The following KANSL1L variants were observed in gnomAD, a reference collection of about 807,000 sequenced individuals.
The protein encoded by KANSL1L is KAT8 regulatory NSL complex subunit 1 like, also known as KAT8 regulatory NSL complex subunit 1-like protein.
KANSL1L carries 25 observed loss-of-function variants against 108.6 expected under a neutral mutation model. The observed-to-expected ratio is 0.23, with a 90% confidence interval of 0.17 to 0.32. The LOEUF (loss-of-function observed/expected upper bound fraction) is 0.32. Ranked by LOEUF, KANSL1L falls within the 10% of genes least tolerant of loss-of-function variation. The pLI is 1.00. For synonymous variants in KANSL1L, 405 were observed against 395.1 expected, an observed-to-expected ratio of 1.03 and a Z score of -0.30; for missense variants, 1,137 against 1,125.7, an observed-to-expected ratio of 1.01 and a Z score of -0.14.
rs2094207450 is a variant in KANSL1L at position 210,044,893 on chromosome 2, CTGAG to C, written c.1756-793_1756-790del. Reference sequence around the variant, plus strand: ...CAAGCGATTCTCCTGCCTCAGCCTCCTGAGTAACTGGGATTACAGGCACGTGCCA... The same window carrying C: ...CAAGCGATTCTCCTGCCTCAGCCTCCTAACTGGGATTACAGGCACGTGCCA... On this transcript the variant is annotated intron_variant, in intron 6 of 14. Coordinates refer to ENST00000281772, the MANE Select transcript of KANSL1L (RefSeq NM_152519.4). This position sits in a 1 kb window ranked among gnomAD's most constrained non-coding sequence, Gnocchi z 4.2. Among the ~76,000 whole-genome samples the C allele has an allele frequency of 6.6e-6, 1 of 152,166 alleles. No homozygotes were observed. The highest frequency in any genetic ancestry group is 2.4e-5 in the African/African-American group (1 of 41,428).
intron 5 of KANSL1L, among the ~76,000 whole-genome samples, chr2:210,090,936 G>A (rs558733320): frequency 3.0e-4 from 46 of 152,094 alleles, no homozygotes; most frequent in African/African-American, 5.5e-4. Context: ...TAATTTACAC[G>A]TTTCAGCTCA....
rs1171022411 is a variant in KANSL1L at position 210,141,162 on chromosome 2, CTGT to C, written c.1089-11993_1089-11991del. Among the ~76,000 whole-genome samples, 606 of 142,662 alleles carry C rather than the reference CTGT, an allele frequency of 4.2e-3. 3 individuals carry two copies. The highest frequency in any genetic ancestry group is 0.017 in the African/African-American group (581 of 34,616). The allele number at this position is 142,662 out of a possible 152,430, so 93.6% of individuals were successfully genotyped here. On this transcript the variant is annotated intron_variant, in intron 2 of 14. Transcript: ENST00000281772. ...CCTCCCTTCCCTTCCCCACTCCTCT[CTGT>C]TTTCTTTCTTTTCTTTCTCTCCCTT...
chr2:210,070,563 G>A (rs1002093142), intron 6 of KANSL1L, among the ~76,000 whole-genome samples: 2 of 151,992 alleles, frequency 1.3e-5, no homozygotes, highest in African/African-American at 4.8e-5. Context: ...CCAATCACTG[G>A]ATTTAGGACC....
intron 1 of KANSL1L, among the ~76,000 whole-genome samples, chr2:210,168,930 ATTTC>A (rs1688158432): frequency 1.3e-5 from 2 of 152,148 alleles, no homozygotes; most frequent in South Asian, 4.1e-4. Flanking sequence ...CATGAAATAT[ATTTC>A]TTTCTCTCAA....
At chr2:210,125,372 G>A (rs1021647609) in intron 3 of KANSL1L, among the ~76,000 whole-genome samples, 1 of 152,134 alleles carries the variant, frequency 6.6e-6, no homozygotes. Context: ...CTTCAATGCT[G>A]AATTCTACTA....
intron 6 of KANSL1L, among the ~76,000 whole-genome samples, chr2:210,065,999 T>C (rs1030139614): frequency 6.6e-6 from 1 of 152,146 alleles, no homozygotes; most frequent in African/African-American, 2.4e-5. Flanking sequence ...TTTTTACATA[T>C]GAAAGAGGGA....
At chr2:210,033,886 T>C (rs2094062481) in intron 8 of KANSL1L, among the ~76,000 whole-genome samples, 1 of 152,110 alleles carries the variant, frequency 6.6e-6, no homozygotes, top group African/African-American at 2.4e-5. Context: ...TTTTCACATT[T>C]ATTTTCCTTC....
chr2:210,136,065 T>G (rs1297061688), intron 2 of KANSL1L, among the ~76,000 whole-genome samples: 2 of 152,172 alleles, frequency 1.3e-5, no homozygotes, highest in Admixed American at 1.3e-4. Context: ...AAGTGCAGTT[T>G]AGGATGTCCA....
intron 3 of KANSL1L, among the ~76,000 whole-genome samples, chr2:210,112,479 G>A (rs1427952472): frequency 6.6e-6 from 1 of 152,044 alleles, no homozygotes; most frequent in African/African-American, 2.4e-5. Flanking sequence ...TGTCAAACTA[G>A]AATTTAACAC....
chr2:210,022,929 T>G lies in KANSL1L; in HGVS notation c.*20A>C. 6.5e-7 allele frequency: 1 copy of G among 1,541,128 alleles called. No individual in the cohort carries two copies. The highest frequency in any genetic ancestry group is 9.0e-7 in the Non-Finnish European group (1 of 1,115,002). ...TCCCATCTTTCCTACATTTACATAG[T>G]TTTCTTAACCTGTTCCCTGTCACCT... On this transcript the variant is annotated 3_prime_UTR_variant, in exon 15 of 15. Transcript: ENST00000281772.
chr2:210,148,905 A>T (rs549663787), intron 2 of KANSL1L, among the ~76,000 whole-genome samples: 1 of 152,250 alleles, frequency 6.6e-6, no homozygotes, highest in South Asian at 2.1e-4. Flanking sequence ...TATTAATATA[A>T]TCTAAAATTT....
At chr2:210,150,430 T>C (rs1194442175) in intron 2 of KANSL1L, among the ~76,000 whole-genome samples, 1 of 152,180 alleles carries the variant, frequency 6.6e-6, no homozygotes, top group African/African-American at 2.4e-5. Flanking sequence ...ATTCAAGAAA[T>C]AAATGTAAAT....
chr2:210,163,263 C>G (rs1358957555), intron 1 of KANSL1L, among the ~76,000 whole-genome samples: 1 of 152,086 alleles, frequency 6.6e-6, no homozygotes, highest in African/African-American at 2.4e-5. Flanking sequence ...ATGGAAAAAA[C>G]AGACAACATG....
chr2:210,167,298 C>T (rs1372597612), intron 1 of KANSL1L, among the ~76,000 whole-genome samples: 1 of 151,996 alleles, frequency 6.6e-6, no homozygotes, highest in African/African-American at 2.4e-5. Flanking sequence ...ACTTTATATT[C>T]AATGATGTTT....
chr2:210,051,032 CTT>C (rs1163859501), intron 6 of KANSL1L, among the ~76,000 whole-genome samples: 2 of 152,102 alleles, frequency 1.3e-5, no homozygotes, highest in Non-Finnish European at 2.9e-5. Flanking sequence ...CCCATACACT[CTT>C]TTCAAGTGTG....
chr2:210,051,347 G>A (rs1424491799), intron 6 of KANSL1L, among the ~76,000 whole-genome samples: 1 of 152,006 alleles, frequency 6.6e-6, no homozygotes, highest in Non-Finnish European at 1.5e-5. Context: ...GAAACTGGAT[G>A]TCTCCCACTT....
chr2:210,046,349 C>G (rs1002107015), intron 6 of KANSL1L, among the ~76,000 whole-genome samples: 1 of 152,062 alleles, frequency 6.6e-6, no homozygotes. Context: ...TAAAAAATTC[C>G]AAAGTCCAAA....
chr2:210,073,503 C>T (rs2094521346), intron 6 of KANSL1L, among the ~76,000 whole-genome samples: 1 of 151,418 alleles, frequency 6.6e-6, no homozygotes, highest in South Asian at 2.1e-4. Flanking sequence ...CAAGACCAGC[C>T]TGGGCAACAT....
chr2:210,062,082 T>TC (rs1273241404), intron 6 of KANSL1L, among the ~76,000 whole-genome samples: 2 of 152,214 alleles, frequency 1.3e-5, no homozygotes, highest in Non-Finnish European at 2.9e-5. Flanking sequence ...TTTAGTTGTG[T>TC]CCCCACCCAA....
Sources: gnomAD v4.1 joint callset for allele counts (sites outside exome capture counted in the v4.1 genomes callset) on GRCh38, gnomAD v4.1.1 for gene constraint, Gnocchi (gnomAD v3.1) non-coding constraint, MANE v1.5 for transcripts, NCBI Gene and HGNC (gene_info 2026-07-23, HGNC 2026-07-21) for gene names.